The following CSMD1 variants were observed in gnomAD, a reference collection of about 807,000 sequenced individuals.
CSMD1 encodes CUB and sushi domain-containing protein 1.
CSMD1 carries 213 observed loss-of-function variants against 417.5 expected under a neutral mutation model. That is an observed-to-expected ratio of 0.51 (90% CI 0.46 to 0.57). CSMD1 has a LOEUF of 0.57. CSMD1 is among the 20% of genes least tolerant of loss of function. The pLI is 0.00. For missense variants in CSMD1, 6,923 were observed against 4,529.7 expected, an observed-to-expected ratio of 1.53 and a Z score of -15.17; for synonymous variants, 2,862 against 1,736.8, an observed-to-expected ratio of 1.65 and a Z score of -16.11.
At chr8:2,963,536 C>G (rs1803687126) in intron 59 of CSMD1, 141 bp from the exon 60 acceptor site, 1 of 791,536 alleles carries the variant, frequency 1.3e-6, no homozygotes, top group Admixed American at 2.4e-5. Context: ...AAAGAATTGC[C>G]AAGGAAGACA....
chr8:4,280,117 C>G (rs1218510520), intron 3 of CSMD1, among the ~76,000 whole-genome samples: 1 of 152,172 alleles, frequency 6.6e-6, no homozygotes, highest in Admixed American at 6.5e-5. Context: ...CTTCATTACA[C>G]CGTACACTTC....
intron 31 of CSMD1, among the ~76,000 whole-genome samples, chr8:3,202,708 C>T (rs934396591): frequency 1.3e-5 from 2 of 152,158 alleles, no homozygotes; most frequent in African/African-American, 2.4e-5. Flanking sequence ...GAAACAATTA[C>T]TGTTAATATT....
intron 2 of CSMD1, among the ~76,000 whole-genome samples, chr8:4,439,945 C>G (rs976733257): frequency 6.6e-5 from 10 of 152,112 alleles, no homozygotes; most frequent in African/African-American, 2.4e-4. Context: ...TTTACAGTTT[C>G]CACACATGAA....
intron 50 of CSMD1, among the ~76,000 whole-genome samples, chr8:3,033,070 T>A (rs1312658407): frequency 2.6e-5 from 4 of 151,950 alleles, no homozygotes; most frequent in Non-Finnish European, 5.9e-5. Context: ...TTCCTTGTTC[T>A]CTTCCAACTA....
rs551191658 is a variant in CSMD1 at position 3,510,315 on chromosome 8, C to T, written c.1345-16589G>A. Among the ~76,000 whole-genome samples, 192 of 151,882 alleles carry T rather than the reference C, an allele frequency of 1.3e-3. 1 individual carries two copies. The highest frequency in any genetic ancestry group is 2.1e-3 in the Non-Finnish European group (142 of 68,032). On this transcript the variant is annotated intron_variant, in intron 10 of 69. Coordinates refer to ENST00000635120, the MANE Select transcript of CSMD1 (RefSeq NM_033225.6). ...TGGCCTGCCTCTGTCTTCCCATTCC[C>T]GTCACAGGAAAGAGCAACACAGCCG...
intron 3 of CSMD1, among the ~76,000 whole-genome samples, chr8:4,175,961 G>C (rs78019202): frequency 0.031 from 4,785 of 152,240 alleles, 100 homozygotes; most frequent in Non-Finnish European, 0.044. Flanking sequence ...GCATGGGGCA[G>C]CTGGGCTTCT....
intron 4 of CSMD1, among the ~76,000 whole-genome samples, chr8:4,030,776 T>G (rs1415678185): frequency 4.6e-5 from 7 of 152,182 alleles, no homozygotes; most frequent in Non-Finnish European, 1.0e-4. Context: ...TTCATGAACT[T>G]TTATGCTTTG....
intron 3 of CSMD1, among the ~76,000 whole-genome samples, chr8:4,213,759 G>T (rs931770502): frequency 1.3e-5 from 2 of 152,270 alleles, no homozygotes; most frequent in East Asian, 1.9e-4. Context: ...TGGCTGAGAT[G>T]GGGTTCCCTG....
chr8:4,515,196 T>C, intron 2 of CSMD1, among the ~76,000 whole-genome samples: 1 of 152,182 alleles, frequency 6.6e-6, no homozygotes, highest in Non-Finnish European at 1.5e-5. Context: ...CTTCATTAAG[T>C]AGTTAAAAAA....
intron 3 of CSMD1, among the ~76,000 whole-genome samples, chr8:4,244,296 T>C (rs1802569490): frequency 2.0e-5 from 3 of 152,146 alleles, no homozygotes; most frequent in Non-Finnish European, 4.4e-5. Flanking sequence ...CGGGAAACAC[T>C]ATGCAGTCTT....
intron 12 of CSMD1, among the ~76,000 whole-genome samples, chr8:3,411,825 T>TATGCAC (rs1260679977): frequency 1.9e-4 from 12 of 64,246 alleles, no homozygotes; most frequent in East Asian, 6.1e-4. Flanking sequence ...TACGTGTATA[T>TATGCAC]GTATATATGC....
chr8:4,862,744 A>C (rs1802208502), intron 1 of CSMD1, among the ~76,000 whole-genome samples: 1 of 152,096 alleles, frequency 6.6e-6, no homozygotes, highest in African/African-American at 2.4e-5. Context: ...AAATAAAAAC[A>C]CAGTAGCGAC....
chr8:3,552,252 A>G (rs577804772), intron 10 of CSMD1, among the ~76,000 whole-genome samples: 1 of 152,332 alleles, frequency 6.6e-6, no homozygotes, highest in South Asian at 2.1e-4. Flanking sequence ...AAAAAAGTGT[A>G]TCGACACAGA....
chr8:3,207,486 T>C (rs942449410), intron 30 of CSMD1, among the ~76,000 whole-genome samples: 3 of 152,084 alleles, frequency 2.0e-5, no homozygotes, highest in Middle Eastern at 3.2e-3. Flanking sequence ...AAGTTAGAGA[T>C]AACATGTTTA....
intron 5 of CSMD1, among the ~76,000 whole-genome samples, chr8:3,980,706 G>C (rs529490629): frequency 6.6e-6 from 1 of 152,246 alleles, no homozygotes; most frequent in African/African-American, 2.4e-5. Context: ...TTAAAAGAAC[G>C]ATGTGACAAG....
Position 3,254,146 on chromosome 8 carries a change from C to G in CSMD1, c.4154-23915G>C, listed in dbSNP as rs138712654. Among the ~76,000 whole-genome samples, 98 of 152,208 alleles carry G rather than the reference C, an allele frequency of 6.4e-4. 1 individual carries two copies. The East Asian group carries it at 0.017, about 26-fold the overall frequency. Reference sequence around the variant, plus strand: ...CCTTCACTTAGGAAGCTTAGTTTGGCCGGATATGAAATTCTGGGTTGAAAG... The same window carrying G: ...CCTTCACTTAGGAAGCTTAGTTTGGGCGGATATGAAATTCTGGGTTGAAAG... On this transcript the variant is annotated intron_variant, in intron 26 of 69. Transcript: ENST00000635120.
intron 2 of CSMD1, among the ~76,000 whole-genome samples, chr8:4,457,510 G>A (rs775264087): frequency 6.6e-6 from 1 of 151,898 alleles, no homozygotes; most frequent in Non-Finnish European, 1.5e-5. Context: ...TGATCATCTG[G>A]ACATACCCAT....
At chr8:4,281,731 CAATGT>C (rs1796795485) in intron 3 of CSMD1, among the ~76,000 whole-genome samples, 1 of 152,072 alleles carries the variant, frequency 6.6e-6, no homozygotes, top group Non-Finnish European at 1.5e-5. Context: ...TAAACGGAAT[CAATGT>C]AATGTCTCTA....
At chr8:3,493,058 C>G (rs551896903) in intron 11 of CSMD1, among the ~76,000 whole-genome samples, 1 of 152,022 alleles carries the variant, frequency 6.6e-6, no homozygotes, top group Non-Finnish European at 1.5e-5. Context: ...CTTTGGGAGG[C>G]TGAAGTGGGC....
Sources: gnomAD v4.1 joint callset for allele counts (sites outside exome capture counted in the v4.1 genomes callset) on GRCh38, gnomAD v4.1.1 for gene constraint, MANE v1.5 for transcripts, NCBI Gene and HGNC (gene_info 2026-07-23, HGNC 2026-07-21) for gene names.